The following SWAP70 variants were observed in gnomAD, a reference collection of about 807,000 sequenced individuals.
SWAP70 encodes switching B cell complex subunit SWAP70.
In SWAP70, 34 loss-of-function variants were observed where a neutral mutation model predicts 80.2. That is an observed-to-expected ratio of 0.42 (90% CI 0.32 to 0.56). The LOEUF (loss-of-function observed/expected upper bound fraction) is 0.56. Ranked by LOEUF, SWAP70 falls within the 20% of genes least tolerant of loss-of-function variation. The pLI, the probability that SWAP70 is intolerant of heterozygous loss-of-function variation, is 0.09. For synonymous variants in SWAP70, 239 were observed against 238.5 expected (o/e 1.00, Z -0.02); for missense variants, 578 against 690.7 (o/e 0.84, Z 1.83).
In SWAP70 at chr11:9,749,886, C is replaced by T; in HGVS notation, c.1674C>T (p.Ile558=). Residue 558 remains isoleucine (I), a synonymous_variant, in exon 12 of 12, where the codon ATC becomes ATT. Transcript: ENST00000318950. ...IEPGSKNPHL[I]TNWGPAAFTE... ...TAGGTTCAAAGAACCCTCACCTGAT[C>T]ACTAACTGGGGACCTGCAGCTTTCA... 6.2e-7 allele frequency: 1 copy of T among 1,613,612 alleles called. No homozygotes were observed. The highest frequency in any genetic ancestry group is 2.2e-5 in the East Asian group (1 of 44,876).
chr11:9,709,496 A>T (rs1850967133), intron 2 of SWAP70, among the ~76,000 whole-genome samples: 1 of 152,142 alleles, frequency 6.6e-6, no homozygotes, highest in East Asian at 1.9e-4. Context: ...TACAGTTGAC[A>T]CTTGAACCCA....
chr11:9,712,848 C>T (rs558417072), intron 2 of SWAP70, among the ~76,000 whole-genome samples: 2 of 152,042 alleles, frequency 1.3e-5, no homozygotes, highest in African/African-American at 4.8e-5. Flanking sequence ...AGGCATGCGC[C>T]ACCACGCCCG....
chr11:9,738,496 A>G (rs75178756), intron 8 of SWAP70, among the ~76,000 whole-genome samples, 176 bp downstream of exon 8: 15,099 of 152,094 alleles, frequency 0.099, 1,904 homozygotes, highest in East Asian at 0.28. Context: ...TGTTTATTGA[A>G]CACCTTCTAT....
intron 3 of SWAP70, among the ~76,000 whole-genome samples, chr11:9,722,843 T>C (rs1419859513): frequency 6.6e-6 from 1 of 152,234 alleles, no homozygotes; most frequent in East Asian, 1.9e-4. Flanking sequence ...TAAGGAATAG[T>C]TTTTATATTT....
intron 1 of SWAP70, among the ~76,000 whole-genome samples, chr11:9,675,067 G>A (rs955766767): frequency 6.6e-5 from 10 of 152,146 alleles, no homozygotes; most frequent in African/African-American, 2.4e-4. Flanking sequence ...GGAGATTGAG[G>A]CAAATGGATC....
chr11:9,677,483 G>T (rs193067488), intron 1 of SWAP70, among the ~76,000 whole-genome samples: 100 of 152,140 alleles, frequency 6.6e-4, no homozygotes, highest in Admixed American at 1.2e-3. Context: ...GCCCATATTA[G>T]TCCCCTGTCC....
intron 2 of SWAP70, among the ~76,000 whole-genome samples, chr11:9,698,500 G>C (rs1365518861): frequency 2.0e-5 from 3 of 152,056 alleles, no homozygotes; most frequent in African/African-American, 7.2e-5. Flanking sequence ...TGCCTCCCGG[G>C]CTCAAGCCAT....
intron 4 of SWAP70, 125 bp from the exon 5 acceptor site, chr11:9,727,928 A>C: frequency 2.1e-6 from 2 of 939,184 alleles, no homozygotes; most frequent in Non-Finnish European, 3.0e-6. Context: ...GGATCCAAGA[A>C]CAATTGGTGT....
At chr11:9,669,677 C>T (rs1850350795) in intron 1 of SWAP70, among the ~76,000 whole-genome samples, 1 of 152,030 alleles carries the variant, frequency 6.6e-6, no homozygotes, top group Admixed American at 6.6e-5. Context: ...CATATGTGTT[C>T]CTGTGTGTGT....
intron 2 of SWAP70, 46 bp from the exon 3 acceptor site, chr11:9,713,420 C>A: frequency 6.4e-7 from 1 of 1,572,682 alleles, no homozygotes; most frequent in Non-Finnish European, 8.6e-7. Flanking sequence ...TTAGATACTG[C>A]TTATATCGGA....
chr11:9,738,937 C>T (rs914605387), intron 8 of SWAP70, among the ~76,000 whole-genome samples: 6 of 152,234 alleles, frequency 3.9e-5, no homozygotes, highest in East Asian at 1.9e-4. Flanking sequence ...CCTGGTTTGC[C>T]TGGGAGAGTC....
At chr11:9,741,805 C>T (rs530207502) in intron 9 of SWAP70, 11 of 151,776 alleles carry the variant, frequency 7.2e-5, no homozygotes, top group Non-Finnish European at 1.5e-4. Flanking sequence ...GTATCAGAAT[C>T]ACCTCACAAA....
intron 1 of SWAP70, among the ~76,000 whole-genome samples, chr11:9,674,531 C>G (rs1007197827): frequency 2.0e-5 from 3 of 151,958 alleles, no homozygotes; most frequent in African/African-American, 7.3e-5. Context: ...GAGACTTTAT[C>G]TCTACAAAAA....
At chr11:9,737,635 C>G (rs1225697102) in intron 7 of SWAP70, among the ~76,000 whole-genome samples, 2 of 152,184 alleles carry the variant, frequency 1.3e-5, no homozygotes, top group Admixed American at 1.3e-4. Context: ...TGGTGGCTTA[C>G]ACCTGTAATC....
At chr11:9,671,641 T>TATAAATAGAA (rs1850399604) in intron 1 of SWAP70, among the ~76,000 whole-genome samples, 9 of 27,524 alleles carry the variant, frequency 3.3e-4, no homozygotes, top group Admixed American at 5.0e-4. Context: ...TATAAATATT[T>TATAAATAGAA]CTATATAAAT....
In SWAP70 at chr11:9,747,090, C is replaced by G. The variant is rs556101893; in HGVS notation, c.1356-768C>G. Among the ~76,000 whole-genome samples the G allele has an allele frequency of 4.6e-5, 7 of 152,284 alleles. No homozygotes were observed. The South Asian group carries it at 1.5e-3, about 32-fold the overall frequency. On this transcript the variant is annotated intron_variant, in intron 9 of 11. Coordinates refer to ENST00000318950, the MANE Select transcript of SWAP70 (RefSeq NM_015055.4). ...ATATACACTTTAATGCAGGTTTTGG[C>G]TGTTTGTTAGTTTATTTAAACAACT...
rs756977261 is a variant in SWAP70, at chr11:9,748,151, G to A, written c.1554+95G>A. 4.6e-6 allele frequency: 6 copies of A among 1,294,508 alleles called. No homozygotes were observed. In the East Asian group the frequency reaches 7.5e-5, roughly 16 times the overall value. 80.2% of individuals were successfully genotyped at this position (1,294,508 alleles called of 1,614,324 possible). On this transcript the variant is annotated intron_variant, in intron 10 of 11. Transcript: ENST00000318950. ...TTTGCTTAGCTGCCAATATGAAGCT[G>A]TAGTAAGAATCTTGCTTAGCTGTAA...
chr11:9,744,318 T>C (rs1031155330), intron 9 of SWAP70, among the ~76,000 whole-genome samples: 3 of 152,132 alleles, frequency 2.0e-5, no homozygotes, highest in African/African-American at 7.2e-5. Flanking sequence ...TTAATTTTTG[T>C]GGGTACACAG....
chr11:9,716,369 C>T (rs143468388), intron 3 of SWAP70, among the ~76,000 whole-genome samples: 2 of 152,250 alleles, frequency 1.3e-5, no homozygotes, highest in East Asian at 1.9e-4. Flanking sequence ...TGTGGGGAAG[C>T]AGAGACAAGT....
Sources: allele counts gnomAD v4.1 joint callset (sites outside exome capture counted in the v4.1 genomes callset), GRCh38; gene constraint gnomAD v4.1.1; transcripts MANE v1.5; gene names NCBI Gene and HGNC (gene_info 2026-07-23, HGNC 2026-07-21).